Variants in PHF8 observed in about 807,000 individuals in gnomAD.
PHF8 encodes the protein histone lysine demethylase PHF8.
Under a neutral mutation model 74.4 loss-of-function variants are expected in PHF8, and 9 were observed. That is an observed-to-expected ratio of 0.12 (90% CI 0.07 to 0.21). The LOEUF (loss-of-function observed/expected upper bound fraction) is 0.21, where lower values mean the gene tolerates loss of function less well. PHF8 is among the 10% of genes least tolerant of loss of function. The pLI is 1.00. For synonymous variants in PHF8, 311 were observed against 316.6 expected, an observed-to-expected ratio of 0.98 and a Z score of 0.19; for missense variants, 478 against 816.6, an observed-to-expected ratio of 0.59 and a Z score of 5.05.
intron 19 of PHF8, among the ~76,000 whole-genome samples, chrX:53,957,200 A>C (rs1557088981): frequency 9.1e-6 from 1 of 109,741 alleles, no homozygotes; most frequent in African/African-American, 3.3e-5. Context: ...CAAAAAAAAA[A>C]AAAAAATTAG....
intron 20 of PHF8, chrX:53,942,675 C>CGGGA (rs201360657): frequency 2.7e-6 from 2 of 730,578 alleles, no homozygotes; most frequent in African/African-American, 4.8e-5. Context: ...GTAAGTACCA[C>CGGGA]GAATGTTGTA....
intron 18 of PHF8, among the ~76,000 whole-genome samples, chrX:53,969,973 T>C (rs1162776925): frequency 1.8e-5 from 2 of 111,914 alleles, no homozygotes; most frequent in East Asian, 2.8e-4. Flanking sequence ...AAAAAATCAA[T>C]TGAAAATGGA....
At chrX:54,001,634 T>C (rs139831409) in intron 10 of PHF8, among the ~76,000 whole-genome samples, 1,240 of 112,296 alleles carry the variant, frequency 0.011, 18 homozygotes, top group African/African-American at 0.039. Flanking sequence ...AGGGGTAGCA[T>C]TGCTGGGTAC....
At chrX:53,950,290 A>AAT (rs782291130) in intron 19 of PHF8, among the ~76,000 whole-genome samples, 17 of 112,096 alleles carry the variant, frequency 1.5e-4, no homozygotes, top group Non-Finnish European at 3.8e-5. Context: ...GGGTGTTTAA[A>AAT]AAAGAATTTT....
intron 20 of PHF8, chrX:53,943,339 T>C (rs1242844419): frequency 5.9e-6 from 5 of 842,720 alleles, no homozygotes; most frequent in Non-Finnish European, 8.5e-6. Flanking sequence ...TGAGTTTGAG[T>C]TGTCTCCTCC....
intron 18 of PHF8, among the ~76,000 whole-genome samples, chrX:53,970,624 A>G (rs1425217481): frequency 9.0e-6 from 1 of 111,670 alleles, no homozygotes; most frequent in African/African-American, 3.3e-5. Context: ...AGACACACAT[A>G]AGCTCAAAAC....
At chrX:53,957,846 G>A (rs782262247) in intron 19 of PHF8, among the ~76,000 whole-genome samples, 70 of 111,255 alleles carry the variant, frequency 6.3e-4, no homozygotes, top group Middle Eastern at 4.6e-3. Flanking sequence ...CCCCAATGCT[G>A]GAGGTGAAGT....
At chrX:53,946,633 T>A (rs1292030961) in intron 19 of PHF8, among the ~76,000 whole-genome samples, 1 of 112,071 alleles carries the variant, frequency 8.9e-6, no homozygotes, top group Non-Finnish European at 1.9e-5. Context: ...TGCTCTAGAT[T>A]GAGAGGGTTA....
At position 54,014,691 on chromosome X, in the gene PHF8, C is replaced by G. The variant is rs368619104; in HGVS notation, c.597-128G>C. 239 of 511,663 alleles carry G rather than the reference C, an allele frequency of 4.7e-4. 1 individual carries two copies. In the African/African-American group the frequency reaches 5.0e-3, roughly 11 times the overall value. 42.2% of individuals were successfully genotyped at this position (511,663 alleles called of 1,213,427 possible). A position where few individuals can be genotyped will look rare whatever the true frequency, so the allele number is the denominator to read the frequency against. ...GAACAAGTTCCCTCCACAGAATCCC[C>G]AAAGGCACATAGGACACTTATTTCT... On this transcript the variant is annotated intron_variant, in intron 6 of 21. Transcript: ENST00000338154.
chrX:54,012,088 ACTTTGT>A lies in PHF8; in HGVS notation c.784-810_784-805del, dbSNP rs782656001. On this transcript the variant is annotated intron_variant, in intron 7 of 21. Transcript: ENST00000338154. ...TTGATAACTATACAAATTATTTAAG[ACTTTGT>A]CTTTGTTTTTAAGACAAAGTTTTAA... Among the ~76,000 whole-genome samples the A allele has an allele frequency of 1.4e-3, 161 of 111,241 alleles. 1 individual carries two copies. Among genetic ancestry groups the A allele is most frequent in the African/African-American group, 4.9e-3 (150 of 30,765 alleles).
At chrX:53,968,319 G>C (rs1439395823) in intron 18 of PHF8, among the ~76,000 whole-genome samples, 1 of 111,406 alleles carries the variant, frequency 9.0e-6, no homozygotes, top group East Asian at 2.8e-4. Context: ...CCAACAAATT[G>C]GAAACTGGGA....
At chrX:54,048,184 A>G (rs1176832937), upstream of PHF8, among the ~76,000 whole-genome samples, 4 of 13,617 alleles carry the variant, frequency 2.9e-4, no homozygotes, top group African/African-American at 4.9e-4. Context: ...GCAAGACTCC[A>G]TCTCAAAAAA....
intron 18 of PHF8, among the ~76,000 whole-genome samples, chrX:53,978,670 C>T (rs1462216416): frequency 1.8e-5 from 2 of 108,345 alleles, no homozygotes; most frequent in African/African-American, 3.4e-5. Flanking sequence ...TGGTGGTGTG[C>T]GCCTTTAATC....
chrX:54,046,508 G>A (rs2066635142), upstream of PHF8, among the ~76,000 whole-genome samples: 2 of 109,248 alleles, frequency 1.8e-5, no homozygotes, highest in Admixed American at 2.0e-4. Flanking sequence ...GCTTGAACAC[G>A]GGAGGCGGAG....
chrX:53,966,553 G>C (rs1165276660), intron 18 of PHF8, among the ~76,000 whole-genome samples: 4 of 112,191 alleles, frequency 3.6e-5, no homozygotes, highest in Non-Finnish European at 7.5e-5. Flanking sequence ...GCCCAGGCTG[G>C]AGTGCAGTGG....
chrX:54,011,862 C>CAAAA (rs11397654), intron 7 of PHF8, among the ~76,000 whole-genome samples: 37 of 39,740 alleles, frequency 9.3e-4, no homozygotes, highest in East Asian at 1.7e-3. Flanking sequence ...GATAATTTGG[C>CAAAA]AAAAAAAAAA....
intron 14 of PHF8, among the ~76,000 whole-genome samples, chrX:53,988,615 A>G (rs1557100416): frequency 9.1e-6 from 1 of 110,044 alleles, no homozygotes; most frequent in East Asian, 2.8e-4. Context: ...TGTATCCAAA[A>G]AAAAATTTTT....
chrX:53,969,271 T>C (rs1303742384), intron 18 of PHF8, among the ~76,000 whole-genome samples: 3 of 110,852 alleles, frequency 2.7e-5, no homozygotes, highest in Non-Finnish European at 3.8e-5. Flanking sequence ...CTCAGTAAAG[T>C]TGCAGGATAC....
chrX:54,022,720 T>C, intron 3 of PHF8, 38 bp downstream of exon 3: 2 of 923,680 alleles, frequency 2.2e-6, no homozygotes, highest in Non-Finnish European at 3.1e-6. Context: ...GTCTCTCCTC[T>C]GGATTGTCTT....
Sources: allele counts gnomAD v4.1 joint callset (sites outside exome capture counted in the v4.1 genomes callset), GRCh38; gene constraint gnomAD v4.1.1; transcripts MANE v1.5; gene names NCBI Gene and HGNC (gene_info 2026-07-23, HGNC 2026-07-21).